ARHGAP26: variants seen among roughly 807,000 people sequenced by gnomAD.
The protein encoded by ARHGAP26 is rho GTPase-activating protein 26.
Under a neutral mutation model 104.8 loss-of-function variants are expected in ARHGAP26, and 38 were observed. The observed-to-expected ratio is 0.36, with a 90% confidence interval of 0.28 to 0.48. The LOEUF (loss-of-function observed/expected upper bound fraction) is 0.48, where lower values mean the gene tolerates loss of function less well. Among genes scored for constraint, ARHGAP26 ranks in the 20% least tolerant of loss-of-function variants. ARHGAP26 has a pLI of 0.99. For synonymous variants in ARHGAP26, 341 were observed against 340.0 expected (o/e 1.00, Z -0.03); for missense variants, 704 against 947.9 (o/e 0.74, Z 3.38).
At chr5:142,806,744 TG>T (rs1162483091) in intron 1 of ARHGAP26, among the ~76,000 whole-genome samples, 7 of 152,192 alleles carry the variant, frequency 4.6e-5, no homozygotes, top group Non-Finnish European at 8.8e-5. Context: ...TCTAACTCTG[TG>T]TTAATATATG....
intron 8 of ARHGAP26, among the ~76,000 whole-genome samples, chr5:142,905,654 G>C (rs1361914964): frequency 1.3e-5 from 2 of 152,112 alleles, no homozygotes; most frequent in Admixed American, 6.5e-5. Context: ...TGCTTCTTCA[G>C]TAGTGAGTAT....
intron 20 of ARHGAP26, among the ~76,000 whole-genome samples, chr5:143,193,659 T>A (rs971069591): frequency 1.3e-5 from 2 of 152,140 alleles, no homozygotes; most frequent in Non-Finnish European, 2.9e-5. Context: ...GTAAAGTGCT[T>A]CCTGTAAGTG....
intron 17 of ARHGAP26, among the ~76,000 whole-genome samples, chr5:143,065,588 A>G (rs1787363430): frequency 6.6e-6 from 1 of 152,174 alleles, no homozygotes; most frequent in Non-Finnish European, 1.5e-5. Context: ...CTAATCTGAA[A>G]AAGATGATAA....
intron 17 of ARHGAP26, among the ~76,000 whole-genome samples, chr5:143,093,568 TTCTC>T (rs1047638884): frequency 3.3e-5 from 5 of 151,826 alleles, no homozygotes; most frequent in Admixed American, 1.3e-4. Flanking sequence ...GTGTCTCTCT[TTCTC>T]TCTCTCTGCC....
chr5:143,164,576 G>T, intron 20 of ARHGAP26, among the ~76,000 whole-genome samples: 1 of 152,086 alleles, frequency 6.6e-6, no homozygotes, highest in Non-Finnish European at 1.5e-5. Flanking sequence ...CCTTCTACTA[G>T]CAGCTCTTCT....
At chr5:143,015,330 G>A (rs527429499) in intron 12 of ARHGAP26, among the ~76,000 whole-genome samples, 5 of 152,354 alleles carry the variant, frequency 3.3e-5, no homozygotes, top group Non-Finnish European at 7.3e-5. Flanking sequence ...ATGTAAGGCT[G>A]TATGGTAGCT....
chr5:142,950,717 G>A (rs543803513), intron 11 of ARHGAP26, among the ~76,000 whole-genome samples: 33 of 152,110 alleles, frequency 2.2e-4, no homozygotes, highest in Non-Finnish European at 3.7e-4. Flanking sequence ...GAATTATGAT[G>A]GATACCTATT....
At chr5:143,108,441 T>A (rs1794332776) in intron 17 of ARHGAP26, among the ~76,000 whole-genome samples, 1 of 152,210 alleles carries the variant, frequency 6.6e-6, no homozygotes, top group Admixed American at 6.5e-5. Flanking sequence ...ACATTACTGT[T>A]TTTTTTCTGT....
intron 14 of ARHGAP26, among the ~76,000 whole-genome samples, chr5:143,053,741 A>C (rs909391180): frequency 6.6e-6 from 1 of 152,254 alleles, no homozygotes; most frequent in African/African-American, 2.4e-5. Flanking sequence ...ATACAAAAGT[A>C]ATGGAATAAA....
At chr5:142,800,607 C>A (rs1189769405) in intron 1 of ARHGAP26, among the ~76,000 whole-genome samples, 1 of 152,202 alleles carries the variant, frequency 6.6e-6, no homozygotes, top group East Asian at 1.9e-4. Context: ...AGGTGATCCA[C>A]CCACTCAGCC....
At chr5:143,050,819 G>A (rs867245953) in intron 14 of ARHGAP26, among the ~76,000 whole-genome samples, 4 of 152,150 alleles carry the variant, frequency 2.6e-5, no homozygotes, top group East Asian at 1.9e-4. Flanking sequence ...CTGGGAGCTA[G>A]CAATACGGCT....
Position 143,226,322 on chromosome 5 carries a change from A to C in ARHGAP26, c.*3876A>C, listed in dbSNP as rs537730065. 2 of 175,206 alleles carry C rather than the reference A, an allele frequency of 1.1e-5. No homozygotes were observed. The highest frequency in any genetic ancestry group is 4.0e-4 in the South Asian group (2 of 5,012). The allele number at this position is 175,206 out of a possible 1,614,324, so 10.9% of individuals were successfully genotyped here. ...CGGTGAAACCCCGTCTCTACTAAAA[A>C]TACAAAAAATTAGCCGGGTGTGGTG... On this transcript the variant is annotated 3_prime_UTR_variant, in exon 23 of 23. Coordinates refer to ENST00000645722, the MANE Select transcript of ARHGAP26 (RefSeq NM_001135608.3).
chr5:143,116,751 A>C (rs1054042998), intron 17 of ARHGAP26, among the ~76,000 whole-genome samples: 3 of 152,212 alleles, frequency 2.0e-5, no homozygotes, highest in Admixed American at 6.5e-5. Context: ...TTTCCTCTTA[A>C]AGCAAAGGTG....
intron 12 of ARHGAP26, among the ~76,000 whole-genome samples, chr5:143,020,858 T>A (rs937117782): frequency 1.3e-5 from 2 of 152,138 alleles, no homozygotes; most frequent in Non-Finnish European, 2.9e-5. Flanking sequence ...GCCAGGATGG[T>A]CTCGATCTGC....
chr5:142,843,216 C>T (rs1429389492), intron 1 of ARHGAP26, among the ~76,000 whole-genome samples: 2 of 152,232 alleles, frequency 1.3e-5, no homozygotes, highest in African/African-American at 4.8e-5. Context: ...CTCTGGGACC[C>T]AGGCATGCTC....
chr5:142,986,327 ATTC>A (rs1245840948), intron 11 of ARHGAP26, among the ~76,000 whole-genome samples: 1 of 152,094 alleles, frequency 6.6e-6, no homozygotes, highest in Non-Finnish European at 1.5e-5. Context: ...GTCTGTTCAT[ATTC>A]TTTGCCCACT....
chr5:143,090,928 C>T (rs1209540699), intron 17 of ARHGAP26, among the ~76,000 whole-genome samples: 1 of 152,176 alleles, frequency 6.6e-6, no homozygotes, highest in Non-Finnish European at 1.5e-5. Flanking sequence ...GACAGAGGTA[C>T]TTTTCTGAAG....
At chr5:143,163,319 G>A (rs1801496487) in intron 20 of ARHGAP26, among the ~76,000 whole-genome samples, 1 of 152,178 alleles carries the variant, frequency 6.6e-6, no homozygotes, top group South Asian at 2.1e-4. Flanking sequence ...CTTGGCAATT[G>A]TAGGCAGGGT....
At chr5:143,213,396 C>A (rs1434472317) in intron 21 of ARHGAP26, among the ~76,000 whole-genome samples, 1 of 147,010 alleles carries the variant, frequency 6.8e-6, no homozygotes, top group East Asian at 2.0e-4. Context: ...GTGTAATTGC[C>A]CTCATGCACC....
Sources: gnomAD v4.1 joint callset for allele counts (sites outside exome capture counted in the v4.1 genomes callset) on GRCh38, gnomAD v4.1.1 for gene constraint, MANE v1.5 for transcripts, NCBI Gene and HGNC (gene_info 2026-07-23, HGNC 2026-07-21) for gene names.